The following RHOH variants were observed in gnomAD, a reference collection of about 807,000 sequenced individuals.
The protein encoded by RHOH is ras homolog family member H.
Under a neutral mutation model 13.8 loss-of-function variants are expected in RHOH, and 6 were observed. The observed-to-expected ratio is 0.44, with a 90% confidence interval of 0.24 to 0.86. RHOH has a LOEUF of 0.86. RHOH is among the 40% of genes least tolerant of loss of function. The pLI is 0.24. For synonymous variants in RHOH, 117 were observed against 103.0 expected (o/e 1.14, Z -0.82); for missense variants, 147 against 244.5 (o/e 0.60, Z 2.66).
intron 1 of RHOH, among the ~76,000 whole-genome samples, chr4:40,233,373 T>C (rs1297561643): frequency 1.6e-5 from 2 of 127,544 alleles, no homozygotes; most frequent in Non-Finnish European, 3.3e-5. Context: ...TGAAAGGCAG[T>C]ATGGTTCCAG....
At chr4:40,203,557 T>A (rs369977663) in intron 1 of RHOH, among the ~76,000 whole-genome samples, 113 of 134,152 alleles carry the variant, frequency 8.4e-4, no homozygotes, top group African/African-American at 3.7e-3. Flanking sequence ...AGAGAGAGAG[T>A]GTGTGTGTGT....
chr4:40,194,788 G>T (rs1284478043), upstream of RHOH, among the ~76,000 whole-genome samples: 1 of 152,194 alleles, frequency 6.6e-6, no homozygotes, highest in Non-Finnish European at 1.5e-5. Context: ...CCCTGGAGTT[G>T]CTTTTAGTAA....
chr4:40,193,509 GA>G (rs1722831502), upstream of RHOH: 1 of 55,502 alleles, frequency 1.8e-5, no homozygotes, highest in Non-Finnish European at 3.6e-5. Flanking sequence ...AGAGAGAGAG[GA>G]GAGGAGGGGC....
At chr4:40,195,648 G>A (rs1205040770), upstream of RHOH, among the ~76,000 whole-genome samples, 5 of 152,046 alleles carry the variant, frequency 3.3e-5, no homozygotes, top group South Asian at 2.1e-4. Flanking sequence ...ATCTCACTAC[G>A]TTGCCCAGGC....
intron 1 of RHOH, among the ~76,000 whole-genome samples, chr4:40,236,589 G>C (rs927782523): frequency 6.6e-6 from 1 of 151,834 alleles, no homozygotes; most frequent in African/African-American, 2.4e-5. Flanking sequence ...AGGAGATCGA[G>C]ACCATCCTGG....
intron 1 of RHOH, among the ~76,000 whole-genome samples, chr4:40,231,076 T>C (rs1006467847): frequency 1.3e-5 from 2 of 152,004 alleles, no homozygotes; most frequent in African/African-American, 4.8e-5. Context: ...GAGAAGAAAA[T>C]GGGAATCACA....
chr4:40,207,754 G>A (rs1333837081), intron 1 of RHOH, among the ~76,000 whole-genome samples: 1 of 152,192 alleles, frequency 6.6e-6, no homozygotes, highest in Non-Finnish European at 1.5e-5. Context: ...ATTACCTGAG[G>A]TCAGGAGTTC....
chr4:40,193,133 C>A (rs1403372613), upstream of RHOH: 1 of 152,374 alleles, frequency 6.6e-6, no homozygotes, highest in Non-Finnish European at 1.5e-5. Flanking sequence ...GGTGAGTGCT[C>A]TGGCCGTGTT....
chr4:40,234,911 A>G (rs1199582463), intron 1 of RHOH, among the ~76,000 whole-genome samples: 1 of 152,132 alleles, frequency 6.6e-6, no homozygotes, highest in East Asian at 1.9e-4. Flanking sequence ...CATCTTGCAA[A>G]CAAACTTTCA....
In RHOH at chr4:40,245,957, C is replaced by T. The variant is rs893514808; in HGVS notation, c.*1995C>T. ...GCTGACACAGCTGCCTTCACTCAGA[C>T]TTCTCTGCTCTCCAGGCGGTGGCTT... On this transcript the variant is annotated 3_prime_UTR_variant, in exon 3 of 3. Transcript: ENST00000381799. 2.6e-5 allele frequency: 4 copies of T among 152,276 alleles called. No homozygotes were observed. Among genetic ancestry groups the T allele is most frequent in the Admixed American group, 2.0e-4 (3 of 15,274 alleles). 9.4% of individuals were successfully genotyped at this position (152,276 alleles called of 1,614,324 possible). A position where few individuals can be genotyped will look rare whatever the true frequency, so the allele number is the denominator to read the frequency against.
At chr4:40,202,730 A>G (rs2109364033) in intron 1 of RHOH, among the ~76,000 whole-genome samples, 1 of 152,320 alleles carries the variant, frequency 6.6e-6, no homozygotes, top group East Asian at 1.9e-4. Flanking sequence ...GGACTTGCTA[A>G]AAGTAGACTG....
At chr4:40,230,805 C>T (rs554772969) in intron 1 of RHOH, among the ~76,000 whole-genome samples, 1 of 152,092 alleles carries the variant, frequency 6.6e-6, no homozygotes, top group Admixed American at 6.5e-5. Context: ...ATGAAACAGA[C>T]CTTTAAAAGG....
chr4:40,225,750 C>T (rs983423618), intron 1 of RHOH, among the ~76,000 whole-genome samples: 23 of 152,150 alleles, frequency 1.5e-4, no homozygotes, highest in African/African-American at 5.6e-4. Flanking sequence ...CACCCTCTGC[C>T]ACTGTTTTAG....
intron 1 of RHOH, among the ~76,000 whole-genome samples, chr4:40,216,702 G>GA (rs1363972424): frequency 1.3e-5 from 2 of 152,060 alleles, no homozygotes; most frequent in Admixed American, 6.6e-5. Context: ...AATGTTTTCA[G>GA]AAAAAAATTA....
In RHOH at chr4:40,243,617, C is replaced by T. The variant is rs145528494; in HGVS notation, c.231C>T (p.Asp77=). The change falls in exon 3 of 3, where the codon GAC becomes GAT. Residue 77 remains aspartate (D), a synonymous_variant. Coordinates refer to ENST00000381799, the MANE Select transcript of RHOH (RefSeq NM_004310.5). This position sits in a 1 kb window ranked among gnomAD's most constrained non-coding sequence, Gnocchi z 6.2. The stretch of plus-strand genomic sequence containing the variant: ...GGCCCCTGTCCTACCAGCAGGCAGA[C>T]GTGGTGCTGATGTGCTACTCTGTGG... ...SIRPLSYQQA[D]VVLMCYSVAN... is the part of the protein sequence containing the mutation. 173 of 1,614,068 alleles carry T rather than the reference C, an allele frequency of 1.1e-4. No individual in the cohort carries two copies. The highest frequency in any genetic ancestry group is 2.1e-4 in the South Asian group (19 of 91,086).
At chr4:40,207,083 T>A (rs1724733808) in intron 1 of RHOH, among the ~76,000 whole-genome samples, 1 of 152,012 alleles carries the variant, frequency 6.6e-6, no homozygotes, top group African/African-American at 2.4e-5. Context: ...GGCAGGCACC[T>A]TTAATCCCAG....
intron 1 of RHOH, among the ~76,000 whole-genome samples, chr4:40,234,721 T>C (rs1172619801): frequency 2.0e-5 from 3 of 151,178 alleles, no homozygotes; most frequent in Non-Finnish European, 4.4e-5. Flanking sequence ...GGTGAACTTA[T>C]GTTAAAAGTT....
In RHOH at chr4:40,245,971, AGGC is replaced by A; in HGVS notation, c.*2012_*2014del. ...CTTCACTCAGACTTCTCTGCTCTCC[AGGC>A]GGTGGCTTGTACTCACCTCTAAGTC... On this transcript the variant is annotated 3_prime_UTR_variant, in exon 3 of 3. Transcript: ENST00000381799. The A allele has an allele frequency of 6.6e-6, 1 of 152,262 alleles. No individual in the cohort carries two copies. Among genetic ancestry groups the A allele is most frequent in the South Asian group, 2.1e-4 (1 of 4,818 alleles). The allele number at this position is 152,262 out of a possible 1,614,324, so 9.4% of individuals were successfully genotyped here. A position where few individuals can be genotyped will look rare whatever the true frequency, so the allele number is the denominator to read the frequency against.
In RHOH at chr4:40,246,380, C is replaced by G. The variant is rs1419165162; in HGVS notation, c.*2418C>G. On this transcript the variant is annotated 3_prime_UTR_variant, in exon 3 of 3. Transcript: ENST00000381799. Reference sequence around the variant, plus strand: ...TGGCAGCAGAGCAGGAAGGGAAGGCCAGAGAGGGCACACTCAAATGGCTTT... The same window carrying G: ...TGGCAGCAGAGCAGGAAGGGAAGGCGAGAGAGGGCACACTCAAATGGCTTT... The G allele has an allele frequency of 6.6e-6, 1 of 152,432 alleles. No individual in the cohort carries two copies. The highest frequency in any genetic ancestry group is 1.5e-5 in the Non-Finnish European group (1 of 68,196). 9.4% of individuals were successfully genotyped at this position (152,432 alleles called of 1,614,324 possible).
Sources: allele counts gnomAD v4.1 joint callset (sites outside exome capture counted in the v4.1 genomes callset), GRCh38; gene constraint gnomAD v4.1.1; non-coding constraint Gnocchi (gnomAD v3.1); transcripts MANE v1.5; gene names NCBI Gene and HGNC (gene_info 2026-07-23, HGNC 2026-07-21).